The following UGT1A6 variants were observed in gnomAD, a reference collection of about 807,000 sequenced individuals.
UGT1A6 encodes UDP-glucuronosyltransferase 1A6.
Under a neutral mutation model 44.4 loss-of-function variants are expected in UGT1A6, and 32 were observed. The ratio of observed to expected loss-of-function variants is 0.72; its 90% confidence interval spans 0.54 to 0.97. The LOEUF (loss-of-function observed/expected upper bound fraction) is 0.97, where lower values mean the gene tolerates loss of function less well. Among genes scored for constraint, UGT1A6 ranks in the 50% least tolerant of loss-of-function variants. The pLI, the probability that UGT1A6 is intolerant of heterozygous loss-of-function variation, is 0.00. For synonymous variants in UGT1A6, 238 were observed against 248.5 expected (o/e 0.96, Z 0.40); for missense variants, 685 against 661.9 (o/e 1.03, Z -0.38).
chr2:233,724,361 G>C (rs2077237961), intron 1 of UGT1A6, among the ~76,000 whole-genome samples: 2 of 148,044 alleles, frequency 1.4e-5, no homozygotes, highest in African/African-American at 2.5e-5. Context: ...CTCCCTCCCG[G>C]ACGGGGTGGC....
At chr2:233,749,352 A>G (rs1249792542) in intron 1 of UGT1A6, among the ~76,000 whole-genome samples, 1 of 151,892 alleles carries the variant, frequency 6.6e-6, no homozygotes, top group Non-Finnish European at 1.5e-5. Context: ...TGGAATTTAA[A>G]TAGTGACTCT....
intron 1 of UGT1A6, among the ~76,000 whole-genome samples, chr2:233,724,104 C>T (rs1174163777): frequency 1.9e-4 from 20 of 105,450 alleles, no homozygotes; most frequent in African/African-American, 7.3e-4. Context: ...CCAGTAGGGG[C>T]GGCCGGGCAG....
chr2:233,719,099 G>T, intron 1 of UGT1A6: 3 of 1,614,244 alleles, frequency 1.9e-6, no homozygotes, highest in Non-Finnish European at 2.5e-6. Flanking sequence ...ATCGCGTTAC[G>T]CTGGGCTACA....
intron 1 of UGT1A6, among the ~76,000 whole-genome samples, chr2:233,745,604 G>A (rs908621602): frequency 6.6e-6 from 1 of 151,572 alleles, no homozygotes; most frequent in African/African-American, 2.4e-5. Flanking sequence ...TTGGCACTTG[G>A]TAAGCACACA....
Position 233,767,856 on chromosome 2 carries a change from G to C in UGT1A6, c.1001G>C (p.Trp334Ser), listed in dbSNP as rs1181740769. ...ALGKIPQTVL[W>S]RYTGTRPSNL... Reference sequence around the variant, plus strand: ...TCTTTTTGCCCCTCCCAGGTCCTGTGGCGGTACACTGGAACCCGACCATCG... The same window carrying C: ...TCTTTTTGCCCCTCCCAGGTCCTGTCGCGGTACACTGGAACCCGACCATCG... The change falls in exon 3 of 5, where the codon TGG becomes TCG. Residue 334 changes from tryptophan (W) to serine (S), a missense_variant. Physicochemically the swap from Trp to Ser is radical, Grantham distance 177. Coordinates refer to ENST00000305139, the MANE Select transcript of UGT1A6 (RefSeq NM_001072.4). 1 of 1,614,108 alleles carries C rather than the reference G, an allele frequency of 6.2e-7. No individual in the cohort carries two copies. Among genetic ancestry groups the C allele is most frequent in the South Asian group, 1.1e-5 (1 of 91,082 alleles).
intron 1 of UGT1A6, among the ~76,000 whole-genome samples, chr2:233,699,947 A>G (rs1002246261): frequency 6.6e-6 from 1 of 152,188 alleles, no homozygotes; most frequent in African/African-American, 2.4e-5. Flanking sequence ...AAGTTGTACA[A>G]TGTGTGAAAA....
Position 233,716,253 on chromosome 2 carries a change from C to T in UGT1A6, c.861+22388C>T, listed in dbSNP as rs28948390. On this transcript the variant is annotated intron_variant, in intron 1 of 4. Transcript: ENST00000305139. Reference sequence around the variant, plus strand: ...TACATTGTCCTGCCCGGACATCCAGCATAATCTCCCCATGTCAAAACCCTT... The same window carrying T: ...TACATTGTCCTGCCCGGACATCCAGTATAATCTCCCCATGTCAAAACCCTT... Among the ~76,000 whole-genome samples the T allele has an allele frequency of 8.7e-3, 1,327 of 152,306 alleles. 20 individuals are homozygous for T. Among genetic ancestry groups the T allele is most frequent in the African/African-American group, 0.03 (1,235 of 41,562 alleles).
chr2:233,756,734 ACCT>A (rs1246183091), intron 1 of UGT1A6, among the ~76,000 whole-genome samples: 2 of 151,778 alleles, frequency 1.3e-5, no homozygotes, highest in African/African-American at 2.4e-5. Flanking sequence ...AGTTCTCTTC[ACCT>A]CCTCCTTATT....
chr2:233,754,378 C>A, intron 1 of UGT1A6: 1 of 285,606 alleles, frequency 3.5e-6, no homozygotes, highest in East Asian at 8.9e-5. Flanking sequence ...GATCGAAAGA[C>A]AAACAGAGGT....
intron 1 of UGT1A6, among the ~76,000 whole-genome samples, chr2:233,761,349 C>T (rs963345880): frequency 6.6e-6 from 1 of 152,178 alleles, no homozygotes; most frequent in African/African-American, 2.4e-5. Flanking sequence ...TCTGAGATTT[C>T]GGGAAAGCAT....
At chr2:233,747,795 CCTAAGTTA>C (rs2125887995) in intron 1 of UGT1A6, 1 of 1,613,516 alleles carries the variant, frequency 6.2e-7, no homozygotes, top group South Asian at 1.1e-5. Context: ...CTCCTATATT[CCTAAGTTA>C]CTAACGACCA....
intron 1 of UGT1A6, 151 bp downstream of exon 1, chr2:233,694,016 A>T: frequency 2.2e-6 from 3 of 1,386,912 alleles, no homozygotes; most frequent in Non-Finnish European, 2.9e-6. Flanking sequence ...GCGGGAACAC[A>T]TAGGAGACCT....
At position 233,734,763 on chromosome 2, in the gene UGT1A6, C is replaced by T. The variant is rs776391017; in HGVS notation, c.862-32271C>T. Among the ~76,000 whole-genome samples, 117 of 152,240 alleles carry T rather than the reference C, an allele frequency of 7.7e-4. 1 individual carries two copies. The highest frequency in any genetic ancestry group is 1.4e-3 in the Non-Finnish European group (94 of 68,010). On this transcript the variant is annotated intron_variant, in intron 1 of 4. Transcript: ENST00000305139. ...AACATCTTTATTTCTGCCTTCACTT[C>T]GTTATTTACCCAGTAGTCATTCAGG...
intron 1 of UGT1A6, among the ~76,000 whole-genome samples, chr2:233,764,842 T>G (rs925133951): frequency 2.6e-5 from 4 of 151,734 alleles, no homozygotes; most frequent in African/African-American, 7.3e-5. Flanking sequence ...GGAGGATGAC[T>G]CTGTCCTCCC....
chr2:233,711,636 C>T (rs1021848724), intron 1 of UGT1A6, among the ~76,000 whole-genome samples: 1 of 152,184 alleles, frequency 6.6e-6, no homozygotes, highest in African/African-American at 2.4e-5. Flanking sequence ...GCTGCCTGTC[C>T]CATGGGTTCT....
At chr2:233,726,665 C>A (rs560065117) in intron 1 of UGT1A6, among the ~76,000 whole-genome samples, 2 of 152,280 alleles carry the variant, frequency 1.3e-5, no homozygotes, top group East Asian at 3.9e-4. Flanking sequence ...TTAATCATAT[C>A]TGTGAAGTCT....
intron 1 of UGT1A6, chr2:233,718,632 C>A: frequency 6.9e-7 from 1 of 1,448,466 alleles, no homozygotes; most frequent in Non-Finnish European, 9.3e-7. Flanking sequence ...TGGTCTTTCC[C>A]AGGGTTGGGC....
intron 1 of UGT1A6, chr2:233,729,317 A>G: frequency 6.2e-7 from 1 of 1,614,270 alleles, no homozygotes; most frequent in Non-Finnish European, 8.5e-7. Flanking sequence ...CTCACCCCAG[A>G]GGTGAATATG....
chr2:233,768,652 T>C (rs1699688984), intron 4 of UGT1A6, among the ~76,000 whole-genome samples: 1 of 146,762 alleles, frequency 6.8e-6, no homozygotes, highest in Non-Finnish European at 1.5e-5. Flanking sequence ...AGTGGTGCAA[T>C]CTTGGCTTAC....
Sources: gnomAD v4.1 joint callset for allele counts (sites outside exome capture counted in the v4.1 genomes callset) on GRCh38, gnomAD v4.1.1 for gene constraint, MANE v1.5 for transcripts, NCBI Gene and HGNC (gene_info 2026-07-23, HGNC 2026-07-21) for gene names.